Variants in SERPINI2 observed in about 807,000 individuals in gnomAD.
SERPINI2 encodes the protein serpin I2.
Under a neutral mutation model 47.3 loss-of-function variants are expected in SERPINI2, and 48 were observed. That is an observed-to-expected ratio of 1.02 (90% CI 0.81 to 1.29). The LOEUF is 1.29. Ranked by LOEUF, SERPINI2 falls within the 50% of genes most tolerant of loss-of-function variation. The pLI, the probability that SERPINI2 is intolerant of heterozygous loss-of-function variation, is 0.00. For synonymous variants in SERPINI2, 135 were observed against 149.3 expected (o/e 0.90, Z 0.70); for missense variants, 448 against 456.9 (o/e 0.98, Z 0.18).
intron 2 of SERPINI2, among the ~76,000 whole-genome samples, chr3:167,470,579 T>TTTTTTTTTTTTTTTTG (rs1750282022): frequency 8.3e-6 from 1 of 119,802 alleles, no homozygotes; most frequent in African/African-American, 3.1e-5. Context: ...TTTTTTTTTT[T>TTTTTTTTTTTTTTTTG]GGAGAAGGAG....
intron 5 of SERPINI2, among the ~76,000 whole-genome samples, chr3:167,456,845 G>C (rs1749808512): frequency 6.6e-6 from 1 of 152,060 alleles, no homozygotes; most frequent in South Asian, 2.1e-4. Context: ...AATTAAATGA[G>C]TAATAATACA....
chr3:167,468,783 A>G (rs1463429634), intron 2 of SERPINI2, among the ~76,000 whole-genome samples: 1 of 152,180 alleles, frequency 6.6e-6, no homozygotes, highest in African/African-American at 2.4e-5. Context: ...AAATATCTCA[A>G]TAGCTGGGAG....
chr3:167,442,625 T>G lies in SERPINI2; in HGVS notation c.1142-440A>C, dbSNP rs376951834. 1.9e-4 allele frequency among the ~76,000 whole-genome samples: 29 copies of G among 152,334 alleles called. No homozygotes were observed. The South Asian group carries it at 2.7e-3, about 14-fold the overall frequency. ...GGCTAAAAGTGCAACTTCCCAGTTC[T>G]CCTTTTTCAGCTCTGAATCAAAGCT... On this transcript the variant is annotated intron_variant, in intron 8 of 8. Transcript: ENST00000264677.
chr3:167,452,818 A>G, intron 6 of SERPINI2, 118 bp downstream of exon 6: 1 of 549,008 alleles, frequency 1.8e-6, no homozygotes, highest in Middle Eastern at 3.6e-4. Context: ...TATGACATTT[A>G]TTCACTGTGC....
At chr3:167,446,465 C>A in exon 8 of SERPINI2, 2 of 1,604,344 alleles carry the variant, frequency 1.2e-6, no homozygotes, top group South Asian at 1.1e-5. Flanking sequence ...GACTCATGAT[C>A]ACAGGGATGT....
chr3:167,450,376 A>G (rs1749608850), intron 6 of SERPINI2, among the ~76,000 whole-genome samples: 1 of 152,104 alleles, frequency 6.6e-6, no homozygotes, highest in Non-Finnish European at 1.5e-5. Flanking sequence ...GGTAGAGTGA[A>G]TTGCAAGTAT....
intron 2 of SERPINI2, among the ~76,000 whole-genome samples, chr3:167,470,649 C>T (rs1750288171): frequency 1.4e-5 from 2 of 146,292 alleles, no homozygotes; most frequent in African/African-American, 5.2e-5. Flanking sequence ...GCAACCTCTG[C>T]CTCTTGGGTT....
chr3:167,444,138 T>C (rs888804336), intron 8 of SERPINI2, among the ~76,000 whole-genome samples: 2 of 152,156 alleles, frequency 1.3e-5, no homozygotes, highest in Non-Finnish European at 2.9e-5. Context: ...TAACTTTCAT[T>C]ATGTCTGGAG....
chr3:167,455,304 C>T (rs13064579), intron 5 of SERPINI2, among the ~76,000 whole-genome samples: 56,223 of 152,062 alleles, frequency 0.37, 10,492 homozygotes, highest in East Asian at 0.5. Flanking sequence ...CAAATGTAAC[C>T]ATTGTGCTGA....
exon 2 of SERPINI2, chr3:167,471,717 A>T: frequency 6.2e-7 from 1 of 1,613,650 alleles, no homozygotes; most frequent in Non-Finnish European, 8.5e-7. Flanking sequence ...TCCTTATGAG[A>T]TAAGGAAACC....
At chr3:167,469,435 T>G (rs921480647) in intron 2 of SERPINI2, 1 of 152,132 alleles carries the variant, frequency 6.6e-6, no homozygotes, top group Non-Finnish European at 1.5e-5. Context: ...ATAAATTACC[T>G]AACCTCAACT....
At chr3:167,475,836 A>C (rs1278435551), upstream of SERPINI2, among the ~76,000 whole-genome samples, 3 of 151,744 alleles carry the variant, frequency 2.0e-5, no homozygotes, top group Non-Finnish European at 1.5e-5. Flanking sequence ...TAAAAACCAC[A>C]GCAAAGGGTT....
At position 167,467,304 on chromosome 3, in the gene SERPINI2, G is replaced by A. The variant is rs1750164813; in HGVS notation, c.248-19C>T. Reference sequence around the variant, plus strand: ...TCTTCCCCTAGAAAATAATTTTAATGTATATTGGCATATTGAACAACATAA... The same window carrying A: ...TCTTCCCCTAGAAAATAATTTTAATATATATTGGCATATTGAACAACATAA... On this transcript the variant is annotated intron_variant, in intron 2 of 8. Transcript: ENST00000264677. 7 of 1,536,140 alleles carry A rather than the reference G, an allele frequency of 4.6e-6. No homozygotes were observed. The highest frequency in any genetic ancestry group is 6.3e-6 in the Non-Finnish European group (7 of 1,116,850).
exon 3 of SERPINI2, chr3:167,467,073 C>T (rs1425453981): frequency 1.2e-6 from 2 of 1,609,122 alleles, no homozygotes; most frequent in African/African-American, 2.7e-5. Flanking sequence ...TTTCTTTCTA[C>T]CCAGGTACTT....
At chr3:167,463,736 TAGAG>T (rs1036691194) in intron 5 of SERPINI2, among the ~76,000 whole-genome samples, 9 of 152,082 alleles carry the variant, frequency 5.9e-5, no homozygotes, top group South Asian at 2.1e-4. Context: ...TTTCTATAAA[TAGAG>T]AGGAGAAAGT....
chr3:167,463,272 CAGTGTTTGGCAT>C (rs1750032753), intron 5 of SERPINI2, among the ~76,000 whole-genome samples: 1 of 151,740 alleles, frequency 6.6e-6, no homozygotes, highest in African/African-American at 2.4e-5. Flanking sequence ...CATTATACCC[CAGTGTTTGGCAT>C]AGTAGGTGCT....
intron 5 of SERPINI2, among the ~76,000 whole-genome samples, chr3:167,456,275 G>GATTAAACATTTTAT (rs1749790238): frequency 1.3e-5 from 2 of 151,970 alleles, no homozygotes; most frequent in East Asian, 3.9e-4. Flanking sequence ...TTTAATGTAT[G>GATTAAACATTTTAT]CCTAGTATTC....
chr3:167,442,085 T>TTA, exon 9 of SERPINI2: 1 of 1,556,394 alleles, frequency 6.4e-7, no homozygotes, highest in Non-Finnish European at 8.7e-7. Flanking sequence ...AAATCATCTT[T>TTA]TATTCTGAGG....
chr3:167,468,256 C>G (rs752431030), intron 2 of SERPINI2, among the ~76,000 whole-genome samples: 24 of 152,026 alleles, frequency 1.6e-4, no homozygotes, highest in Non-Finnish European at 2.8e-4. Flanking sequence ...TTCAAGAAAA[C>G]CGGGTATTAC....
Sources: gnomAD v4.1 joint callset for allele counts (sites outside exome capture counted in the v4.1 genomes callset) on GRCh38, gnomAD v4.1.1 for gene constraint, MANE v1.5 for transcripts, NCBI Gene and HGNC (gene_info 2026-07-23, HGNC 2026-07-21) for gene names.